CPEB3: variants seen among roughly 807,000 people sequenced by gnomAD.
The protein encoded by CPEB3 is cytoplasmic polyadenylation element-binding protein 3.
In CPEB3, 20 loss-of-function variants were observed where a neutral mutation model predicts 67.2. The ratio of observed to expected loss-of-function variants is 0.30; its 90% confidence interval spans 0.21 to 0.43. The LOEUF (loss-of-function observed/expected upper bound fraction) is 0.43. Ranked by LOEUF, CPEB3 falls within the 20% of genes least tolerant of loss-of-function variation. The probability of loss-of-function intolerance (pLI) is 1.00; values close to 1 mark genes in which losing one functional copy is unlikely to be tolerated. For synonymous variants in CPEB3, 376 were observed against 393.1 expected (o/e 0.96, Z 0.51); for missense variants, 746 against 968.6 (o/e 0.77, Z 3.05).
At chr10:92,276,341 C>G (rs540474889) in intron 1 of CPEB3, among the ~76,000 whole-genome samples, 2 of 145,966 alleles carry the variant, frequency 1.4e-5, no homozygotes, top group African/African-American at 5.1e-5. Flanking sequence ...TGCAATGGCA[C>G]GATCTCGGGT....
At chr10:92,264,916 A>G (rs1282228597) in intron 1 of CPEB3, among the ~76,000 whole-genome samples, 1 of 152,072 alleles carries the variant, frequency 6.6e-6, no homozygotes, top group East Asian at 1.9e-4. Context: ...CTGTAATCCT[A>G]GCACTTTGGG....
intron 2 of CPEB3, among the ~76,000 whole-genome samples, chr10:92,219,382 A>G (rs1160516425): frequency 1.3e-5 from 2 of 152,176 alleles, no homozygotes; most frequent in African/African-American, 4.8e-5. Context: ...TATTCAATAC[A>G]TTCTCTATTA....
At chr10:92,205,470 C>CTTT (rs34029695) in intron 2 of CPEB3, among the ~76,000 whole-genome samples, 435 of 91,034 alleles carry the variant, frequency 4.8e-3, no homozygotes, top group Non-Finnish European at 6.3e-3. Flanking sequence ...AAATTCAGTC[C>CTTT]TTTTTTTTTT....
At chr10:92,286,555 A>G (rs1262951519) in intron 1 of CPEB3, among the ~76,000 whole-genome samples, 1 of 151,358 alleles carries the variant, frequency 6.6e-6, no homozygotes, top group African/African-American at 2.4e-5. Flanking sequence ...ACTGCACTCC[A>G]GCCTGGGCAG....
chr10:92,233,105 G>A lies in CPEB3; in HGVS notation c.1005+6241C>T, dbSNP rs564627940. On this transcript the variant is annotated intron_variant, in intron 2 of 9. Coordinates refer to ENST00000265997, the MANE Select transcript of CPEB3 (RefSeq NM_014912.5). ...GTGGGGATGAGTAGACCTTAAAGTG[G>A]TTTTGCATTGAAATAGTAGTTAAGA... is the stretch of plus-strand genomic sequence containing the variant. Among the ~76,000 whole-genome samples, 182 of 152,248 alleles carry A rather than the reference G, an allele frequency of 1.2e-3. 4 individuals are homozygous for A. The South Asian group carries it at 0.036, about 30-fold the overall frequency.
intron 6 of CPEB3, chr10:92,118,929 T>C: frequency 8.6e-7 from 1 of 1,164,506 alleles, no homozygotes; most frequent in East Asian, 2.3e-5. Context: ...GCCCTGTTAC[T>C]CCCTGGGAAC....
chr10:92,260,662 T>C (rs917429785), intron 1 of CPEB3, among the ~76,000 whole-genome samples: 1 of 152,028 alleles, frequency 6.6e-6, no homozygotes, highest in Non-Finnish European at 1.5e-5. Flanking sequence ...TGGAGTGCAA[T>C]AGTGCACCAT....
chr10:92,270,597 C>CTTTTTTTT (rs1853264702), intron 1 of CPEB3, among the ~76,000 whole-genome samples: 1 of 140,718 alleles, frequency 7.1e-6, no homozygotes. Context: ...GGTTCTCACT[C>CTTTTTTTT]TGTTGCCCAG....
chr10:92,192,092 T>C (rs1849008690), intron 3 of CPEB3, among the ~76,000 whole-genome samples: 1 of 152,202 alleles, frequency 6.6e-6, no homozygotes, highest in African/African-American at 2.4e-5. Context: ...GAAGCAATTT[T>C]TGAAGACTGC....
chr10:92,238,669 G>T (rs1225898890), intron 2 of CPEB3, among the ~76,000 whole-genome samples: 1 of 151,766 alleles, frequency 6.6e-6, no homozygotes. Context: ...CATGGAGAGG[G>T]TTGCCCTTAG....
chr10:92,225,415 T>C (rs547053507), intron 2 of CPEB3, among the ~76,000 whole-genome samples: 25 of 152,260 alleles, frequency 1.6e-4, no homozygotes, highest in African/African-American at 5.3e-4. Flanking sequence ...CACATGCTTA[T>C]AGTCCCAGCT....
At chr10:92,164,067 A>G (rs1355439739) in intron 4 of CPEB3, among the ~76,000 whole-genome samples, 2 of 152,238 alleles carry the variant, frequency 1.3e-5, no homozygotes, top group Non-Finnish European at 2.9e-5. Flanking sequence ...GGGATATTTT[A>G]TAAAGGAGAA....
At chr10:92,203,750 T>C (rs1849650171) in intron 2 of CPEB3, among the ~76,000 whole-genome samples, 1 of 151,944 alleles carries the variant, frequency 6.6e-6, no homozygotes, top group African/African-American at 2.4e-5. Flanking sequence ...GGCAAAGTCT[T>C]GACTTCAGCT....
At chr10:92,075,617 T>C (rs1428263629) in intron 9 of CPEB3, among the ~76,000 whole-genome samples, 1 of 152,120 alleles carries the variant, frequency 6.6e-6, no homozygotes, top group Admixed American at 6.6e-5. Context: ...GACCATGAGA[T>C]TATGGATGAG....
In CPEB3 at chr10:92,049,217, CTTTT is replaced by C. The variant is rs201419100; in HGVS notation, c.*2991_*2994del. On this transcript the variant is annotated 3_prime_UTR_variant, in exon 10 of 10. Transcript: ENST00000265997. ...TAAAGATTTATGCCTTTTTTCTTTT[CTTTT>C]TTTTTTCTATTTTTTATACAAACAG... The C allele has an allele frequency of 6.7e-6, 1 of 148,720 alleles. No individual in the cohort carries two copies. Among genetic ancestry groups the C allele is most frequent in the Admixed American group, 6.8e-5 (1 of 14,798 alleles). The allele number at this position is 148,720 out of a possible 1,614,324, so 9.2% of individuals were successfully genotyped here.
chr10:92,230,127 T>TTA (rs1484277748), intron 2 of CPEB3, among the ~76,000 whole-genome samples: 1 of 152,158 alleles, frequency 6.6e-6, no homozygotes, highest in Non-Finnish European at 1.5e-5. Flanking sequence ...AAGGACAAAA[T>TTA]TATAACTTGG....
At chr10:92,068,613 C>T (rs1842642718) in intron 9 of CPEB3, among the ~76,000 whole-genome samples, 1 of 152,104 alleles carries the variant, frequency 6.6e-6, no homozygotes, top group Non-Finnish European at 1.5e-5. Flanking sequence ...TAAACAACCT[C>T]TACACTCAAC....
rs182670889 is a variant in CPEB3 at position 92,254,843 on chromosome 10, C to T, written c.-11-14482G>A. Among the ~76,000 whole-genome samples the T allele has an allele frequency of 5.3e-5, 8 of 151,786 alleles. No homozygotes were observed. The East Asian group carries it at 9.7e-4, about 18-fold the overall frequency. ...CCAGCTAATTTTTCTTTCCTTTTCC[C>T]TTTTCCTTATTTTTTTATTTTTTAT... On this transcript the variant is annotated intron_variant, in intron 1 of 9. Transcript: ENST00000265997.
Position 92,167,305 on chromosome 10 carries a change from T to G in CPEB3, c.1222+13658A>C, listed in dbSNP as rs368997577. On this transcript the variant is annotated intron_variant, in intron 4 of 9. Transcript: ENST00000265997. ...CATTTGCATTCACAACTTGGCTAAC[T>G]AGCACAAGAGGCCTAGCTTTTAGCC... Among the ~76,000 whole-genome samples, 33 of 152,372 alleles carry G rather than the reference T, an allele frequency of 2.2e-4. No individual in the cohort carries two copies. In the South Asian group the frequency reaches 6.0e-3, roughly 28 times the overall value.
Sources: gnomAD v4.1 joint callset for allele counts (sites outside exome capture counted in the v4.1 genomes callset) on GRCh38, gnomAD v4.1.1 for gene constraint, MANE v1.5 for transcripts, NCBI Gene and HGNC (gene_info 2026-07-23, HGNC 2026-07-21) for gene names.